Variants in ZNF107 observed in about 807,000 individuals in gnomAD.
ZNF107 encodes zinc finger protein 107, also known as C2H2 type zinc-finger protein.
A neutral mutation model predicts 12.3 loss-of-function variants in ZNF107; 19 were observed. The ratio of observed to expected loss-of-function variants is 1.55; its 90% CI spans 1.08 to 2.27. The LOEUF is 2.27. Among genes scored for constraint, ZNF107 ranks in the 30% most tolerant of loss-of-function variants. The pLI is 0.00. For synonymous variants in ZNF107, 317 were observed against 330.5 expected, an observed-to-expected ratio of 0.96 and a Z score of 0.44; for missense variants, 958 against 979.9, an observed-to-expected ratio of 0.98 and a Z score of 0.30.
At chr7:64,683,258 C>T (rs1789758315) in intron 1 of ZNF107, among the ~76,000 whole-genome samples, 1 of 152,194 alleles carries the variant, frequency 6.6e-6, no homozygotes, top group Admixed American at 6.5e-5. Flanking sequence ...TCTAACCACA[C>T]AAGGGTCTTC....
chr7:64,706,424 G>T lies in ZNF107; in HGVS notation c.327G>T (p.Glu109Asp), dbSNP rs73138709. 67,537 of 1,613,438 alleles carry T rather than the reference G, an allele frequency of 0.042. 1,657 individuals carry two copies. The highest frequency in any genetic ancestry group is 0.048 in the Non-Finnish European group (56,791 of 1,179,590). The change falls in exon 4 of 4, where the codon GAG becomes GAT. Residue 109 changes from glutamate to aspartate, a missense_variant. Coordinates refer to ENST00000620827, the MANE Select transcript of ZNF107 (RefSeq NM_001282359.2). ...TLRRYGKCEY[E>D]NLQLRKGCKH... Reference sequence around the variant, plus strand: ...GAAGATACGGAAAATGTGAATATGAGAATTTACAGTTAAGAAAAGGCTGTA... The same window carrying T: ...GAAGATACGGAAAATGTGAATATGATAATTTACAGTTAAGAAAAGGCTGTA...
intron 1 of ZNF107, chr7:64,690,454 T>G: frequency 1.0e-6 from 1 of 985,402 alleles, no homozygotes; most frequent in Non-Finnish European, 1.2e-6. Flanking sequence ...AGATCAGAGT[T>G]TTGGCTGGTG....
chr7:64,689,837 C>T (rs1157724804), intron 1 of ZNF107: 1 of 152,178 alleles, frequency 6.6e-6, no homozygotes, highest in African/African-American at 2.4e-5. Flanking sequence ...AGAAATGAGA[C>T]ATCCTGTGTT....
At chr7:64,682,932 A>G (rs1373525929) in intron 1 of ZNF107, among the ~76,000 whole-genome samples, 1 of 152,048 alleles carries the variant, frequency 6.6e-6, no homozygotes, top group African/African-American at 2.4e-5. Flanking sequence ...CTTAATACAC[A>G]TGGCATCCTC....
chr7:64,686,615 G>A, intron 1 of ZNF107: 1 of 985,318 alleles, frequency 1.0e-6, no homozygotes, highest in Non-Finnish European at 1.2e-6. Context: ...ATTGACGGTG[G>A]GCCATTAAGA....
At chr7:64,701,495 C>T (rs570780467) in intron 3 of ZNF107, among the ~76,000 whole-genome samples, 1 of 151,954 alleles carries the variant, frequency 6.6e-6, no homozygotes, top group East Asian at 1.9e-4. Context: ...GTCTTAGCCT[C>T]CCAAAGTACT....
rs146704340 is a variant in ZNF107 at position 64,679,596 on chromosome 7, C to T, written c.4-11652C>T. On this transcript the variant is annotated intron_variant, in intron 1 of 3. Coordinates refer to ENST00000620827, the MANE Select transcript of ZNF107 (RefSeq NM_001282359.2). Reference sequence around the variant, plus strand: ...CTGTCTCTCTGTTTCTTCAGTCCTCCGCTGTTCATTATGGGCACCCTTCCA... The same window carrying T: ...CTGTCTCTCTGTTTCTTCAGTCCTCTGCTGTTCATTATGGGCACCCTTCCA... 7.9e-3 allele frequency among the ~76,000 whole-genome samples: 1,203 copies of T among 152,244 alleles called. 9 individuals are homozygous for T. The highest frequency in any genetic ancestry group is 0.011 in the Non-Finnish European group (721 of 68,010).
chr7:64,688,748 C>T (rs1442489990), intron 1 of ZNF107, among the ~76,000 whole-genome samples: 1 of 152,180 alleles, frequency 6.6e-6, no homozygotes, highest in African/African-American at 2.4e-5. Context: ...AATAATACCA[C>T]AATTATGTAT....
intron 2 of ZNF107, among the ~76,000 whole-genome samples, 190 bp downstream of exon 2, chr7:64,691,564 T>C (rs1790119279): frequency 6.6e-6 from 1 of 152,222 alleles, no homozygotes; most frequent in South Asian, 2.1e-4. Flanking sequence ...CCTGAACTTT[T>C]CACATTAGTG....
intron 1 of ZNF107, chr7:64,679,444 G>T: frequency 3.4e-6 from 3 of 870,854 alleles, no homozygotes; most frequent in Non-Finnish European, 4.1e-6. Context: ...TCTCTGGGAA[G>T]ACAGGCTTCC....
At chr7:64,666,489 G>T (rs1169448494) in intron 1 of ZNF107, among the ~76,000 whole-genome samples, 1 of 152,118 alleles carries the variant, frequency 6.6e-6, no homozygotes, top group East Asian at 1.9e-4. Flanking sequence ...ATGGCGGCTG[G>T]GCTGACAGCC....
chr7:64,708,145 G>T lies in ZNF107; in HGVS notation c.2048G>T (p.Gly683Val). 6.2e-7 allele frequency: 1 copy of T among 1,611,628 alleles called. No individual in the cohort carries two copies. The highest frequency in any genetic ancestry group is 1.1e-5 in the South Asian group (1 of 90,690). The stretch of plus-strand genomic sequence containing the variant: ...AAACCCCACAAATGTGAAGAATGTG[G>T]AAAAGCTTATAACCGATTCTCAAAC... ...GEKPHKCEEC[G>V]KAYNRFSNLT... is the part of the protein sequence containing the mutation. Residue 683 changes from glycine (G) to valine (V), a missense_variant, in exon 4 of 4, where the codon GGA (glycine) becomes GTA (valine). Coordinates refer to ENST00000620827, the MANE Select transcript of ZNF107 (RefSeq NM_001282359.2).
chr7:64,676,465 G>C (rs1789417934), intron 1 of ZNF107, among the ~76,000 whole-genome samples: 1 of 152,100 alleles, frequency 6.6e-6, no homozygotes, highest in Non-Finnish European at 1.5e-5. Context: ...AGTGTCTGTG[G>C]GGTGTTGTAG....
At chr7:64,668,524 G>A (rs911277213) in intron 1 of ZNF107, among the ~76,000 whole-genome samples, 1 of 151,962 alleles carries the variant, frequency 6.6e-6, no homozygotes, top group African/African-American at 2.4e-5. Context: ...CCCTGGGTTT[G>A]TCACCTTGAA....
intron 1 of ZNF107, among the ~76,000 whole-genome samples, chr7:64,666,923 A>G (rs1044493203): frequency 3.1e-5 from 4 of 127,564 alleles, no homozygotes; most frequent in Non-Finnish European, 6.3e-5. Flanking sequence ...GAAGGTGGAA[A>G]TTTTCTGGTC....
Position 64,706,343 on chromosome 7 carries a change from C to T in ZNF107, c.246C>T (p.Ala82=), listed in dbSNP as rs1194540175. 2.6e-6 allele frequency: 4 copies of T among 1,552,844 alleles called. No homozygotes were observed. The South Asian group carries it at 4.9e-5, about 19-fold the overall frequency. ...TTTCAGTAATGTCTTTTCATTTTGC[C>T]CAAGACCTTTGGCCAGAGCAGAACA... ...AKPPVMSFHF[A]QDLWPEQNIK... The change falls in exon 4 of 4, where the codon GCC becomes GCT. Residue 82 remains alanine, a synonymous_variant. Coordinates refer to ENST00000620827, the MANE Select transcript of ZNF107 (RefSeq NM_001282359.2).
rs755430000 is a variant in ZNF107, at chr7:64,707,101, A to T, written c.1004A>T (p.His335Leu). 6 of 1,612,524 alleles carry T rather than the reference A, an allele frequency of 3.7e-6. No homozygotes were observed. The highest frequency in any genetic ancestry group is 5.1e-6 in the Non-Finnish European group (6 of 1,179,530). The change falls in exon 4 of 4, where the codon CAT (histidine) becomes CTT (leucine). Residue 335 changes from histidine to leucine, a missense_variant. His to Leu is a moderately conservative substitution (Grantham distance 99). Transcript: ENST00000620827. ...FSNLTNHKRI[H>L]AGEKPYKCKE... ...AATCTTACTAACCATAAGAGAATTC[A>T]TGCTGGGGAGAAACCCTACAAATGT... is the stretch of plus-strand genomic sequence containing the variant.
chr7:64,682,196 C>T (rs1417105833), intron 1 of ZNF107, among the ~76,000 whole-genome samples: 2 of 151,936 alleles, frequency 1.3e-5, no homozygotes, highest in Admixed American at 6.6e-5. Context: ...TAAAGGGTAC[C>T]GAATGTCCCC....
At chr7:64,666,549 C>T (rs984599314) in intron 1 of ZNF107, among the ~76,000 whole-genome samples, 9 of 152,202 alleles carry the variant, frequency 5.9e-5, no homozygotes, top group African/African-American at 1.4e-4. Flanking sequence ...GTGCCCTGGC[C>T]TGGAGCCCTC....
Sources: gnomAD v4.1 joint callset for allele counts (sites outside exome capture counted in the v4.1 genomes callset) on GRCh38, gnomAD v4.1.1 for gene constraint, MANE v1.5 for transcripts, NCBI Gene and HGNC (gene_info 2026-07-23, HGNC 2026-07-21) for gene names.